Variants in SORCS1 observed in about 807,000 individuals in gnomAD.
SORCS1 encodes VPS10 domain-containing receptor SorCS1.
In SORCS1, 60 loss-of-function variants were observed where a neutral mutation model predicts 146.1. That is an observed-to-expected ratio of 0.41 (90% CI 0.33 to 0.51). The LOEUF (loss-of-function observed/expected upper bound fraction) is 0.51, where lower values mean the gene tolerates loss of function less well. Among genes scored for constraint, SORCS1 ranks in the 20% least tolerant of loss-of-function variants. SORCS1 has a pLI of 0.21. For synonymous variants in SORCS1, 637 were observed against 584.0 expected, an observed-to-expected ratio of 1.09 and a Z score of -1.31; for missense variants, 1,352 against 1,487.6, an observed-to-expected ratio of 0.91 and a Z score of 1.50.
At chr10:107,166,209 C>G (rs1970047512), upstream of SORCS1, among the ~76,000 whole-genome samples, 1 of 152,162 alleles carries the variant, frequency 6.6e-6, no homozygotes, top group African/African-American at 2.4e-5. Context: ...CATTTTCATA[C>G]TAGAATAATA....
At chr10:106,788,008 T>C (rs1181013947) in intron 3 of SORCS1, among the ~76,000 whole-genome samples, 1 of 152,238 alleles carries the variant, frequency 6.6e-6, no homozygotes, top group Non-Finnish European at 1.5e-5. Context: ...GAATGTGTCA[T>C]GAATAGGGTG....
intron 2 of SORCS1, among the ~76,000 whole-genome samples, chr10:106,868,432 G>A (rs745717590): frequency 9.2e-5 from 14 of 151,836 alleles, no homozygotes; most frequent in Non-Finnish European, 1.5e-4. Context: ...CTCTAAAATC[G>A]ACCACATAAC....
intron 14 of SORCS1, among the ~76,000 whole-genome samples, chr10:106,673,374 G>A (rs537997252): frequency 1.5e-3 from 233 of 152,146 alleles, no homozygotes; most frequent in African/African-American, 4.9e-3. Context: ...CTCATGATCC[G>A]CCCGCCTTGG....
chr10:106,743,028 T>C (rs1857467596), intron 5 of SORCS1, among the ~76,000 whole-genome samples: 1 of 152,158 alleles, frequency 6.6e-6, no homozygotes, highest in Admixed American at 6.5e-5. Context: ...ACTAGTGTGA[T>C]GACAAAAAAA....
At position 106,998,256 on chromosome 10, in the gene SORCS1, C is replaced by T. The variant is rs1041708304; in HGVS notation, c.559-41676G>A. On this transcript the variant is annotated intron_variant, in intron 1 of 25. Coordinates refer to ENST00000263054, the MANE Select transcript of SORCS1 (RefSeq NM_052918.5). ...AAAATAATAGCTACAAGAATAAGCT[C>T]GGCTTCTGAAAGCTCATGCCTTTGC... 7.9e-5 allele frequency among the ~76,000 whole-genome samples: 12 copies of T among 152,320 alleles called. 2 individuals are homozygous for T. Among genetic ancestry groups the T allele is most frequent in the Admixed American group, 5.9e-4 (9 of 15,294 alleles).
chr10:106,751,058 CAAAAAAAAAAAAAAAAA>C (rs35691571), intron 5 of SORCS1, among the ~76,000 whole-genome samples: 15 of 22,444 alleles, frequency 6.7e-4, no homozygotes, highest in African/African-American at 1.1e-3. Context: ...GACTCCGTCT[CAAAAAAAAAAAAAAAAA>C]AAAAAAAAAA....
chr10:106,710,791 T>C (rs899693877), intron 6 of SORCS1, among the ~76,000 whole-genome samples: 5 of 152,192 alleles, frequency 3.3e-5, no homozygotes, highest in African/African-American at 4.8e-5. Flanking sequence ...TTCTACTCTC[T>C]CTGTGATTCT....
rs558535694 is a variant in SORCS1, at chr10:106,715,838, A to T, written c.1025-6497T>A. ...AGTGGCAGCGATCTCAGGTCACTGC[A>T]ACCTCCCGAGTTCAAACAATTCTCC... is the stretch of plus-strand genomic sequence containing the variant. On this transcript the variant is annotated intron_variant, in intron 6 of 25. Transcript: ENST00000263054. Among the ~76,000 whole-genome samples, 4 of 152,110 alleles carry T rather than the reference A, an allele frequency of 2.6e-5. No individual in the cohort carries two copies. The East Asian group carries it at 7.8e-4, about 30-fold the overall frequency.
At chr10:106,750,436 G>A (rs1858063337) in intron 5 of SORCS1, among the ~76,000 whole-genome samples, 1 of 152,150 alleles carries the variant, frequency 6.6e-6, no homozygotes, top group African/African-American at 2.4e-5. Flanking sequence ...AAAAGATTAA[G>A]AAGTGGAGGA....
chr10:107,172,232 A>T, the SORCS1 span, among the ~76,000 whole-genome samples: 5 of 152,112 alleles, frequency 3.3e-5, no homozygotes. Flanking sequence ...TCCATTAACT[A>T]CTTTTGTTTC....
chr10:106,854,439 C>G (rs576685253), intron 2 of SORCS1, among the ~76,000 whole-genome samples: 36 of 150,868 alleles, frequency 2.4e-4, no homozygotes, highest in African/African-American at 8.6e-4. Context: ...ATTTAGGCCA[C>G]TGACATTTAA....
chr10:106,907,547 A>G lies in SORCS1; in HGVS notation c.626+48966T>C, dbSNP rs529164136. Among the ~76,000 whole-genome samples, 6 of 152,340 alleles carry G rather than the reference A, an allele frequency of 3.9e-5. No homozygotes were observed. In the East Asian group the frequency reaches 1.2e-3, roughly 29 times the overall value. ...ATTTTAATATTGAAGTCTTAAAAATAAGTAAATATTACTCTGATAATCAGC... is the reference window on the plus strand; with the variant it reads ...ATTTTAATATTGAAGTCTTAAAAATGAGTAAATATTACTCTGATAATCAGC... On this transcript the variant is annotated intron_variant, in intron 2 of 25. Coordinates refer to ENST00000263054, the MANE Select transcript of SORCS1 (RefSeq NM_052918.5).
intron 18 of SORCS1, among the ~76,000 whole-genome samples, chr10:106,644,410 AG>A (rs969053954): frequency 1.3e-5 from 2 of 152,084 alleles, no homozygotes; most frequent in Non-Finnish European, 2.9e-5. Context: ...CTTGTCACCC[AG>A]GCTGGGGTGC....
chr10:106,726,882 C>T (rs865825386), intron 6 of SORCS1, among the ~76,000 whole-genome samples: 4 of 151,878 alleles, frequency 2.6e-5, no homozygotes, highest in East Asian at 1.9e-4. Flanking sequence ...GTGAGGAGAT[C>T]GAGACCATCC....
intron 5 of SORCS1, among the ~76,000 whole-genome samples, chr10:106,759,316 A>G (rs1858900172): frequency 6.6e-6 from 1 of 152,168 alleles, no homozygotes; most frequent in Non-Finnish European, 1.5e-5. Flanking sequence ...CTAAAAGGTC[A>G]CTGTCACAGT....
intron 3 of SORCS1, among the ~76,000 whole-genome samples, chr10:106,804,431 TA>T (rs1947066079): frequency 1.3e-5 from 2 of 151,854 alleles, no homozygotes; most frequent in South Asian, 4.2e-4. Context: ...GTTGTAAGAA[TA>T]ATCCTTCTAC....
At chr10:106,582,876 C>A (rs769641485) in intron 24 of SORCS1, among the ~76,000 whole-genome samples, 12 of 152,130 alleles carry the variant, frequency 7.9e-5, no homozygotes, top group South Asian at 6.2e-4. Flanking sequence ...GGAACACTTA[C>A]AATAATAACA....
At chr10:106,857,586 G>A (rs907934535) in intron 2 of SORCS1, among the ~76,000 whole-genome samples, 1 of 152,210 alleles carries the variant, frequency 6.6e-6, no homozygotes, top group Admixed American at 6.5e-5. Flanking sequence ...GGCGCATTGG[G>A]TGCATCACAG....
At chr10:106,879,813 T>A (rs1950743330) in intron 2 of SORCS1, among the ~76,000 whole-genome samples, 1 of 152,100 alleles carries the variant, frequency 6.6e-6, no homozygotes, top group Non-Finnish European at 1.5e-5. Flanking sequence ...GATGTGCCAA[T>A]AACCTGAATC....
Sources: allele counts gnomAD v4.1 joint callset (sites outside exome capture counted in the v4.1 genomes callset), GRCh38; gene constraint gnomAD v4.1.1; transcripts MANE v1.5; gene names NCBI Gene and HGNC (gene_info 2026-07-23, HGNC 2026-07-21).